LINGO2: variants seen among roughly 807,000 people sequenced by gnomAD.
LINGO2 encodes the protein leucine-rich repeat and immunoglobulin-like domain-containing nogo receptor-interacting protein 2.
A neutral mutation model predicts 30.6 loss-of-function variants in LINGO2; 14 were observed. The observed-to-expected ratio is 0.46, with a 90% CI of 0.30 to 0.72. LINGO2 has a LOEUF of 0.72. Ranked by LOEUF, LINGO2 falls within the 30% of genes least tolerant of loss-of-function variation. The pLI, the probability that LINGO2 is intolerant of heterozygous loss-of-function variation, is 0.07. For synonymous variants in LINGO2, 317 were observed against 288.5 expected, an observed-to-expected ratio of 1.10 and a Z score of -1.00; for missense variants, 729 against 751.7, an observed-to-expected ratio of 0.97 and a Z score of 0.35.
At chr9:28,177,602 A>G (rs754296904) in intron 4 of LINGO2, among the ~76,000 whole-genome samples, 2 of 152,204 alleles carry the variant, frequency 1.3e-5, no homozygotes, top group Non-Finnish European at 2.9e-5. Context: ...AAAGCTTGGC[A>G]TAGTGCTTGA....
chr9:28,982,758 T>C, the LINGO2 span, among the ~76,000 whole-genome samples: 76 of 152,098 alleles, frequency 5.0e-4, no homozygotes, highest in African/African-American at 1.7e-3. Context: ...AATTATTTCA[T>C]GTAATAGAAT....
In LINGO2 at chr9:28,322,863, G is replaced by A. The variant is rs532439191; in HGVS notation, c.-245-27497C>T. On this transcript the variant is annotated intron_variant, in intron 3 of 5. Coordinates refer to ENST00000379992, the Ensembl canonical transcript of LINGO2. ...TTCAGTGAAAGTAATAAGATTGCCT[G>A]ACCAATACATTTTAAAATTTCTAGC... is the stretch of plus-strand genomic sequence containing the variant. 1.8e-3 allele frequency among the ~76,000 whole-genome samples: 275 copies of A among 152,212 alleles called. 1 individual carries two copies. The highest frequency in any genetic ancestry group is 1.2e-3 in the Non-Finnish European group (80 of 68,006).
chr9:28,388,977 G>A (rs908704423), intron 2 of LINGO2, among the ~76,000 whole-genome samples: 3 of 151,926 alleles, frequency 2.0e-5, no homozygotes, highest in Non-Finnish European at 2.9e-5. Context: ...CCTACTTGTG[G>A]TTACTAAAAT....
At chr9:28,652,538 C>T (rs1438473) in intron 1 of LINGO2, among the ~76,000 whole-genome samples, 56,485 of 151,776 alleles carry the variant, frequency 0.37, 11,686 homozygotes, top group African/African-American at 0.54. Context: ...ATGCTATGTA[C>T]TTGACAAAGG....
intron 4 of LINGO2, among the ~76,000 whole-genome samples, chr9:28,033,542 A>G (rs930209783): frequency 5.9e-5 from 9 of 152,310 alleles, no homozygotes; most frequent in African/African-American, 2.2e-4. Flanking sequence ...GTAAAAGGCT[A>G]CTGGAAAGTA....
intron 1 of LINGO2, among the ~76,000 whole-genome samples, chr9:28,665,671 G>A (rs1463886183): frequency 1.3e-5 from 2 of 152,156 alleles, no homozygotes; most frequent in Non-Finnish European, 2.9e-5. Flanking sequence ...TTTTGGTTTA[G>A]TGAAAGCACT....
At chr9:28,173,814 T>C (rs1475199562) in intron 4 of LINGO2, among the ~76,000 whole-genome samples, 1 of 152,236 alleles carries the variant, frequency 6.6e-6, no homozygotes, top group Non-Finnish European at 1.5e-5. Context: ...TTAGGTTTTA[T>C]CTTATTGAGC....
intron 4 of LINGO2, among the ~76,000 whole-genome samples, chr9:28,186,409 C>T (rs1011121598): frequency 4.6e-5 from 7 of 152,118 alleles, no homozygotes; most frequent in African/African-American, 1.7e-4. Flanking sequence ...AGGTCTTTTG[C>T]GAGCCAAGTA....
At chr9:28,187,289 G>A (rs938721867) in intron 4 of LINGO2, among the ~76,000 whole-genome samples, 6 of 151,942 alleles carry the variant, frequency 3.9e-5, no homozygotes, top group Middle Eastern at 3.2e-3. Flanking sequence ...TCAGGAGTTC[G>A]AGTCCAGCCT....
chr9:28,962,232 A>G, the LINGO2 span, among the ~76,000 whole-genome samples: 3 of 152,094 alleles, frequency 2.0e-5, no homozygotes, highest in Non-Finnish European at 4.4e-5. Context: ...CCTGTATTAA[A>G]TCAGTCAATC....
At chr9:28,932,602 G>A in the LINGO2 span, among the ~76,000 whole-genome samples, 3 of 151,952 alleles carry the variant, frequency 2.0e-5, no homozygotes, top group Non-Finnish European at 2.9e-5. Context: ...GTTCTAAAAC[G>A]GTTTCCTCTG....
At position 28,284,500 on chromosome 9, in the gene LINGO2, T is replaced by G. The variant is rs575045466; in HGVS notation, c.-87+10708A>C. On this transcript the variant is annotated intron_variant, in intron 4 of 5. Transcript: ENST00000379992. ...TAGATGAATGCTGTCAGTTATTTCA[T>G]AAGTATTATTTTATCATGTTAAATA... Among the ~76,000 whole-genome samples the G allele has an allele frequency of 1.9e-3, 287 of 152,334 alleles. 2 individuals are homozygous for G. Among genetic ancestry groups the G allele is most frequent in the African/African-American group, 6.4e-3 (265 of 41,572 alleles).
intron 4 of LINGO2, among the ~76,000 whole-genome samples, chr9:28,189,976 A>G (rs1424885379): frequency 2.0e-5 from 3 of 152,136 alleles, no homozygotes; most frequent in Non-Finnish European, 2.9e-5. Flanking sequence ...GAAACATAAG[A>G]ACAGGAATAC....
rs142965662 is a variant in LINGO2 at position 28,277,230 on chromosome 9, A to G, written c.-87+17978T>C. On this transcript the variant is annotated intron_variant, in intron 4 of 5. Transcript: ENST00000379992. ...TATATCAAATATTTTCATTGTTAAT[A>G]TATCTGTAACAGTGATCTGTGATCG... 3.4e-3 allele frequency among the ~76,000 whole-genome samples: 523 copies of G among 152,282 alleles called. 1 individual carries two copies. The highest frequency in any genetic ancestry group is 6.0e-3 in the Non-Finnish European group (407 of 68,018).
chr9:29,070,054 T>C, the LINGO2 span, among the ~76,000 whole-genome samples: 787 of 150,836 alleles, frequency 5.2e-3, 10 homozygotes, highest in African/African-American at 0.018. Flanking sequence ...CAAAGTACTT[T>C]GCTAAATCTT....
the LINGO2 span, among the ~76,000 whole-genome samples, chr9:29,106,998 T>C: frequency 6.6e-6 from 1 of 152,186 alleles, no homozygotes; most frequent in African/African-American, 2.4e-5. Flanking sequence ...AACTAGCCAA[T>C]GCTTTGTACT....
At chr9:28,817,584 C>T in the LINGO2 span, among the ~76,000 whole-genome samples, 1 of 152,190 alleles carries the variant, frequency 6.6e-6, no homozygotes, top group South Asian at 2.1e-4. Context: ...AGATCTGCTT[C>T]TCTTTTCTTC....
At chr9:28,737,934 T>G in the LINGO2 span, among the ~76,000 whole-genome samples, 1 of 152,134 alleles carries the variant, frequency 6.6e-6, no homozygotes, top group East Asian at 1.9e-4. Flanking sequence ...AATGGACAAT[T>G]GCCGCTAGAT....
the LINGO2 span, among the ~76,000 whole-genome samples, chr9:28,759,878 G>A: frequency 3.9e-5 from 6 of 151,916 alleles, no homozygotes; most frequent in Non-Finnish European, 8.8e-5. Context: ...TTAGAAGAGG[G>A]TAAAACATGG....
Sources: allele counts gnomAD v4.1 joint callset (sites outside exome capture counted in the v4.1 genomes callset), GRCh38; gene constraint gnomAD v4.1.1; transcripts MANE v1.5; gene names NCBI Gene and HGNC (gene_info 2026-07-23, HGNC 2026-07-21).